NBAS: variants seen among roughly 807,000 people sequenced by gnomAD.
The protein encoded by NBAS is NBAS subunit of NRZ tethering complex, also known as NAG/BC035112 fusion.
A neutral mutation model predicts 302.5 loss-of-function variants in NBAS; 219 were observed. The observed-to-expected ratio is 0.72, with a 90% CI of 0.65 to 0.81. The LOEUF (loss-of-function observed/expected upper bound fraction) is 0.81, where lower values mean the gene tolerates loss of function less well. NBAS is among the 30% of genes least tolerant of loss of function. NBAS has a pLI of 0.00. For synonymous variants in NBAS, 1,118 were observed against 1,021.6 expected, an observed-to-expected ratio of 1.09 and a Z score of -1.80; for missense variants, 2,932 against 2,841.6, an observed-to-expected ratio of 1.03 and a Z score of -0.72.
At chr2:15,036,006 AAAAT>A in the NBAS span, among the ~76,000 whole-genome samples, 1 of 7,016 alleles carries the variant, frequency 1.4e-4, no homozygotes, top group African/African-American at 2.2e-3. Context: ...CCCAGAACTT[AAAAT>A]AAAGTATGCA....
At chr2:15,163,178 C>CTCCT (rs567944250), downstream of NBAS, among the ~76,000 whole-genome samples, 536 of 152,320 alleles carry the variant, frequency 3.5e-3, 3 homozygotes, top group Non-Finnish European at 6.3e-3. Context: ...TTAAAGCCAG[C>CTCCT]TCCTGCACAC....
intron 21 of NBAS, among the ~76,000 whole-genome samples, chr2:15,443,059 A>G (rs1055472611): frequency 1.3e-5 from 2 of 151,698 alleles, no homozygotes; most frequent in African/African-American, 4.8e-5. Context: ...TTCACAGCCG[A>G]ATTCTACCAG....
At chr2:14,828,184 A>G in the NBAS span, among the ~76,000 whole-genome samples, 2,180 of 152,292 alleles carry the variant, frequency 0.014, 21 homozygotes, top group Middle Eastern at 0.02. Context: ...TTCTAGAAAA[A>G]AAATAGATAA....
the NBAS span, among the ~76,000 whole-genome samples, chr2:15,158,005 G>A: frequency 5.9e-5 from 9 of 152,172 alleles, no homozygotes; most frequent in Non-Finnish European, 1.0e-4. Flanking sequence ...CTGCACGCTA[G>A]GGGAGAATGG....
intron 9 of NBAS, among the ~76,000 whole-genome samples, chr2:15,512,778 G>A (rs1019899138): frequency 5.9e-5 from 9 of 152,252 alleles, no homozygotes; most frequent in African/African-American, 1.9e-4. Context: ...CAGCCCTGAG[G>A]ATATGTTTGA....
At chr2:15,373,124 T>C (rs1004076372) in intron 31 of NBAS, among the ~76,000 whole-genome samples, 8 of 152,084 alleles carry the variant, frequency 5.3e-5, no homozygotes, top group Non-Finnish European at 1.0e-4. Flanking sequence ...CATTTAAGAA[T>C]TGAAAAAAGT....
intron 30 of NBAS, among the ~76,000 whole-genome samples, chr2:15,378,102 C>T (rs1674841009): frequency 6.6e-6 from 1 of 152,136 alleles, no homozygotes; most frequent in African/African-American, 2.4e-5. Context: ...AGAGATTCTA[C>T]CTTTCTTCAG....
At chr2:15,136,090 A>G in the NBAS span, among the ~76,000 whole-genome samples, 1 of 152,200 alleles carries the variant, frequency 6.6e-6, no homozygotes, top group Non-Finnish European at 1.5e-5. Context: ...GGGCTCCAGA[A>G]CACAAACCTG....
chr2:15,429,037 C>A (rs1214170218), intron 21 of NBAS, among the ~76,000 whole-genome samples: 227 of 132,388 alleles, frequency 1.7e-3, no homozygotes, highest in Non-Finnish European at 1.7e-3. Context: ...TACTCTGTCT[C>A]AAAAAAAAAA....
intron 19 of NBAS, among the ~76,000 whole-genome samples, chr2:15,464,353 A>T (rs761046895): frequency 6.6e-6 from 1 of 151,594 alleles, no homozygotes; most frequent in Non-Finnish European, 1.5e-5. Flanking sequence ...GAAATCCCTC[A>T]TTTTTCCAAC....
the NBAS span, among the ~76,000 whole-genome samples, chr2:15,156,228 G>C: frequency 6.6e-6 from 1 of 152,154 alleles, no homozygotes; most frequent in African/African-American, 2.4e-5. Flanking sequence ...TAGTAGCTCT[G>C]TACAAGCCAT....
At chr2:15,448,600 A>G (rs1232365021) in intron 21 of NBAS, among the ~76,000 whole-genome samples, 1 of 152,168 alleles carries the variant, frequency 6.6e-6, no homozygotes, top group East Asian at 1.9e-4. Flanking sequence ...ATGTGATCCC[A>G]ACATTCATAT....
At chr2:15,246,739 T>C (rs1404749685) in intron 44 of NBAS, among the ~76,000 whole-genome samples, 2 of 152,250 alleles carry the variant, frequency 1.3e-5, no homozygotes, top group Non-Finnish European at 2.9e-5. Flanking sequence ...GGCATCAAGC[T>C]ACTGATGGCT....
the NBAS span, among the ~76,000 whole-genome samples, chr2:14,784,181 A>G: frequency 6.6e-6 from 1 of 151,924 alleles, no homozygotes; most frequent in Non-Finnish European, 1.5e-5. Flanking sequence ...TTTTTCTTGT[A>G]AATTCGTTTG....
At chr2:14,905,376 A>G in the NBAS span, among the ~76,000 whole-genome samples, 15 of 152,364 alleles carry the variant, frequency 9.8e-5, no homozygotes, top group Non-Finnish European at 1.8e-4. Flanking sequence ...CTCCAAAAGT[A>G]AATTGTTGAA....
chr2:15,437,715 A>T (rs191110187), intron 21 of NBAS, among the ~76,000 whole-genome samples: 4 of 152,240 alleles, frequency 2.6e-5, no homozygotes, highest in African/African-American at 9.6e-5. Flanking sequence ...TTTTAACTAC[A>T]TAACATTCAT....
chr2:15,221,484 A>G (rs1293244315), intron 47 of NBAS, among the ~76,000 whole-genome samples: 2 of 152,242 alleles, frequency 1.3e-5, no homozygotes, highest in Non-Finnish European at 2.9e-5. Context: ...AATGATACAG[A>G]GATAAAAAAA....
At chr2:15,098,292 A>ATACTATATTATATATTATATATTG in the NBAS span, among the ~76,000 whole-genome samples, 1,024 of 2,820 alleles carry the variant, frequency 0.36, 482 homozygotes, top group Non-Finnish European at 0.46. Context: ...AATATATATT[A>ATACTATATTATATATTATATATTG]TATACAATAT....
At chr2:14,810,731 C>T in the NBAS span, among the ~76,000 whole-genome samples, 3 of 152,114 alleles carry the variant, frequency 2.0e-5, no homozygotes, top group Admixed American at 6.5e-5. Context: ...GGATTAAAAA[C>T]ATTAATTCCT....
Sources: gnomAD v4.1 joint callset for allele counts (sites outside exome capture counted in the v4.1 genomes callset) on GRCh38, gnomAD v4.1.1 for gene constraint, MANE v1.5 for transcripts, NCBI Gene and HGNC (gene_info 2026-07-23, HGNC 2026-07-21) for gene names.